The following PTPRG variants were observed in gnomAD, a reference collection of about 807,000 sequenced individuals.
PTPRG encodes the protein receptor-type tyrosine-protein phosphatase gamma.
In PTPRG, 102 loss-of-function variants were observed where a neutral mutation model predicts 165.3. The observed-to-expected ratio is 0.62, with a 90% CI of 0.53 to 0.73. The LOEUF (loss-of-function observed/expected upper bound fraction) is 0.73. PTPRG is among the 30% of genes least tolerant of loss of function. PTPRG has a pLI of 0.00. For missense variants in PTPRG, 1,866 were observed against 1,861.4 expected (o/e 1.00, Z -0.05); for synonymous variants, 675 against 669.5 (o/e 1.01, Z -0.13).
At chr3:61,836,565 A>G (rs2036468383) in intron 2 of PTPRG, among the ~76,000 whole-genome samples, 1 of 152,196 alleles carries the variant, frequency 6.6e-6, no homozygotes, top group Non-Finnish European at 1.5e-5. Context: ...TGCCTCTCAG[A>G]CATTATTGAC....
rs377101763 is a variant in PTPRG at position 62,073,988 on chromosome 3, G to A, written c.520-4175G>A. On this transcript the variant is annotated intron_variant, in intron 4 of 29. Coordinates refer to ENST00000474889, the MANE Select transcript of PTPRG (RefSeq NM_002841.4). ...TGTAATGGACTTTATTTGGGCACTT[G>A]CCAAAACTTGAAAATGGTCTGTGAA... Among the ~76,000 whole-genome samples, 6 of 152,328 alleles carry A rather than the reference G, an allele frequency of 3.9e-5. No individual in the cohort carries two copies. The East Asian group carries it at 1.2e-3, about 29-fold the overall frequency.
intron 8 of PTPRG, among the ~76,000 whole-genome samples, chr3:62,170,544 A>G (rs7633303): frequency 0.1 from 15,783 of 152,150 alleles, 1,007 homozygotes; most frequent in East Asian, 0.35. Context: ...AATGGTTTCT[A>G]TTGTGTTAAA....
intron 5 of PTPRG, among the ~76,000 whole-genome samples, chr3:62,112,809 C>A (rs938975523): frequency 1.3e-5 from 2 of 152,058 alleles, no homozygotes; most frequent in African/African-American, 2.4e-5. Context: ...GAGTAGTGGT[C>A]CTGAAGGAAT....
At chr3:61,785,013 A>G (rs1575661672) in intron 2 of PTPRG, among the ~76,000 whole-genome samples, 1 of 152,314 alleles carries the variant, frequency 6.6e-6, no homozygotes, top group East Asian at 1.9e-4. Context: ...GTCTGTCATC[A>G]TTACGTAGAG....
intron 14 of PTPRG, among the ~76,000 whole-genome samples, chr3:62,236,361 T>C (rs1294212836): frequency 6.6e-6 from 1 of 152,244 alleles, no homozygotes; most frequent in African/African-American, 2.4e-5. Flanking sequence ...CTCAATCATC[T>C]TCCTTGAAAG....
chr3:61,717,124 G>A (rs558410417), intron 1 of PTPRG, among the ~76,000 whole-genome samples: 7 of 152,242 alleles, frequency 4.6e-5, no homozygotes, highest in East Asian at 3.9e-4. Context: ...ATGGATTCAC[G>A]TGTTGTAAAA....
At chr3:61,817,416 T>C (rs997776753) in intron 2 of PTPRG, among the ~76,000 whole-genome samples, 1 of 151,678 alleles carries the variant, frequency 6.6e-6, no homozygotes, top group African/African-American at 2.4e-5. Flanking sequence ...ATTTAGTTGA[T>C]TGTTGTTGGC....
At chr3:62,287,374 G>A (rs1702704300) in intron 28 of PTPRG, among the ~76,000 whole-genome samples, 1 of 152,042 alleles carries the variant, frequency 6.6e-6, no homozygotes, top group South Asian at 2.1e-4. Flanking sequence ...ATAAATCAGA[G>A]TTAATAGAGC....
intron 5 of PTPRG, among the ~76,000 whole-genome samples, chr3:62,081,301 T>A (rs1324921891): frequency 3.3e-5 from 5 of 150,210 alleles, no homozygotes; most frequent in African/African-American, 1.0e-4. Flanking sequence ...AACAAAAACA[T>A]AATTTTACAT....
chr3:61,866,064 G>C (rs1175556500), intron 2 of PTPRG, among the ~76,000 whole-genome samples: 4 of 152,082 alleles, frequency 2.6e-5, no homozygotes, highest in Non-Finnish European at 5.9e-5. Flanking sequence ...GAAGGTTCCT[G>C]TGGGACAGTT....
chr3:61,732,761 TC>T (rs2032564645), intron 1 of PTPRG, among the ~76,000 whole-genome samples: 1 of 146,780 alleles, frequency 6.8e-6, no homozygotes, highest in African/African-American at 2.5e-5. Context: ...AATAAATAAA[TC>T]TTGCATTAGC....
chr3:62,178,322 A>T (rs896484093), intron 8 of PTPRG, among the ~76,000 whole-genome samples: 1 of 152,204 alleles, frequency 6.6e-6, no homozygotes, highest in Non-Finnish European at 1.5e-5. Flanking sequence ...ACATATACAT[A>T]TCAGGTGGCC....
At chr3:62,280,260 T>G (rs1702383741) in intron 26 of PTPRG, among the ~76,000 whole-genome samples, 1 of 151,988 alleles carries the variant, frequency 6.6e-6, no homozygotes, top group Non-Finnish European at 1.5e-5. Context: ...AGCAGAGTGA[T>G]TTTAGATAAT....
At chr3:61,901,456 G>A (rs2038496471) in intron 2 of PTPRG, among the ~76,000 whole-genome samples, 1 of 152,118 alleles carries the variant, frequency 6.6e-6, no homozygotes, top group Non-Finnish European at 1.5e-5. Context: ...GTTCCCTCTG[G>A]GTGGTATACA....
chr3:61,671,290 T>C (rs1229971752), intron 1 of PTPRG, among the ~76,000 whole-genome samples: 1 of 151,806 alleles, frequency 6.6e-6, no homozygotes, highest in Non-Finnish European at 1.5e-5. Flanking sequence ...CCTGCGGCCT[T>C]CTGCAGTGTT....
chr3:62,216,620 A>G (rs1277018744), intron 12 of PTPRG, among the ~76,000 whole-genome samples: 5 of 151,104 alleles, frequency 3.3e-5, no homozygotes, highest in Admixed American at 2.6e-4. Context: ...CTTATTTGCA[A>G]CTCTGGTTCC....
intron 2 of PTPRG, among the ~76,000 whole-genome samples, chr3:61,829,250 C>T (rs2036200117): frequency 6.6e-6 from 1 of 152,228 alleles, no homozygotes; most frequent in Non-Finnish European, 1.5e-5. Flanking sequence ...GCTGAGCCCT[C>T]CACAAATAGT....
chr3:61,889,943 G>T (rs2038162114), intron 2 of PTPRG, among the ~76,000 whole-genome samples: 1 of 152,166 alleles, frequency 6.6e-6, no homozygotes, highest in African/African-American at 2.4e-5. Context: ...AACGGATGAT[G>T]GGGGGCATTC....
chr3:61,851,085 A>G (rs1037824222), intron 2 of PTPRG, among the ~76,000 whole-genome samples: 1 of 152,176 alleles, frequency 6.6e-6, no homozygotes, highest in Non-Finnish European at 1.5e-5. Context: ...AAGGAACACT[A>G]TATGGTACTA....
Sources: allele counts gnomAD v4.1 joint callset (sites outside exome capture counted in the v4.1 genomes callset), GRCh38; gene constraint gnomAD v4.1.1; transcripts MANE v1.5; gene names NCBI Gene and HGNC (gene_info 2026-07-23, HGNC 2026-07-21).